UVRAG: variants seen among roughly 807,000 people sequenced by gnomAD.
The protein encoded by UVRAG is UV radiation resistance-associated gene protein.
Under a neutral mutation model 78.0 loss-of-function variants are expected in UVRAG, and 19 were observed. The observed-to-expected ratio is 0.24, with a 90% CI of 0.17 to 0.36. The LOEUF is 0.36. Ranked by LOEUF, UVRAG falls within the 10% of genes least tolerant of loss-of-function variation. The pLI is 1.00. For synonymous variants in UVRAG, 323 were observed against 324.6 expected (o/e 1.00, Z 0.05); for missense variants, 740 against 853.8 (o/e 0.87, Z 1.66).
intron 6 of UVRAG, among the ~76,000 whole-genome samples, chr11:75,948,817 G>A (rs1948629808): frequency 6.6e-6 from 1 of 152,118 alleles, no homozygotes; most frequent in Admixed American, 6.5e-5. Flanking sequence ...CATCAGAGAA[G>A]AAGAAAGATA....
intron 14 of UVRAG, among the ~76,000 whole-genome samples, chr11:76,129,420 A>C (rs1952473252): frequency 6.6e-6 from 1 of 152,102 alleles, no homozygotes. Context: ...GAAAAGCTGG[A>C]GCTCCTAAAG....
intron 3 of UVRAG, chr11:75,878,372 C>G (rs2134870179): frequency 6.0e-6 from 1 of 166,960 alleles, no homozygotes; most frequent in Middle Eastern, 2.6e-3. Flanking sequence ...TCCTCACTTT[C>G]CAGACTGGGC....
At position 75,844,652 on chromosome 11, in the gene UVRAG, TA is replaced by T. The variant is rs547557071; in HGVS notation, c.118-7228del. On this transcript the variant is annotated intron_variant, in intron 1 of 14. Transcript: ENST00000356136. Reference sequence around the variant, plus strand: ...GATACTAATATTTTTATTTTTTTACTAAAGCAGATGTTTCTCTTTTCTTTTC... The same window carrying T: ...GATACTAATATTTTTATTTTTTTACTAAGCAGATGTTTCTCTTTTCTTTTC... Among the ~76,000 whole-genome samples, 361 of 151,492 alleles carry T rather than the reference TA, an allele frequency of 2.4e-3. 2 individuals carry two copies. Among genetic ancestry groups the T allele is most frequent in the Admixed American group, 3.6e-3 (55 of 15,118 alleles).
At chr11:75,993,729 A>G (rs528423306) in intron 8 of UVRAG, among the ~76,000 whole-genome samples, 1 of 152,340 alleles carries the variant, frequency 6.6e-6, no homozygotes, top group South Asian at 2.1e-4. Flanking sequence ...GCATCACTAT[A>G]ATGAAATACC....
intron 6 of UVRAG, among the ~76,000 whole-genome samples, chr11:75,954,163 C>T (rs2135179344): frequency 6.6e-6 from 1 of 152,236 alleles, no homozygotes; most frequent in East Asian, 1.9e-4. Flanking sequence ...CTTGATGCAG[C>T]AGGGGCTCTG....
chr11:75,942,129 G>C (rs1948496267), intron 6 of UVRAG: 1 of 152,266 alleles, frequency 6.6e-6, no homozygotes, highest in Admixed American at 6.6e-5. Context: ...TATCTGAATT[G>C]TTGAATAAGT....
intron 13 of UVRAG, among the ~76,000 whole-genome samples, chr11:76,082,409 G>A (rs201014324): frequency 6.6e-6 from 1 of 151,600 alleles, no homozygotes; most frequent in African/African-American, 2.4e-5. Context: ...GCGTGGTGTC[G>A]GGCGCCTGTA....
intron 5 of UVRAG, among the ~76,000 whole-genome samples, chr11:75,897,943 C>A (rs534839139): frequency 7.0e-6 from 1 of 142,776 alleles, no homozygotes; most frequent in Admixed American, 7.3e-5. Flanking sequence ...GATCTCGGCT[C>A]ACTGCAAGCT....
At chr11:76,097,124 G>A (rs576914736) in intron 13 of UVRAG, among the ~76,000 whole-genome samples, 24 of 152,190 alleles carry the variant, frequency 1.6e-4, no homozygotes, top group East Asian at 3.9e-4. Flanking sequence ...AGAACATTGC[G>A]TTTCCCTCCT....
chr11:76,067,157 T>C (rs1250580593), intron 13 of UVRAG, among the ~76,000 whole-genome samples: 9 of 152,194 alleles, frequency 5.9e-5, no homozygotes, highest in Admixed American at 2.6e-4. Flanking sequence ...GATTTCTGGA[T>C]TGCAATCCTC....
At chr11:76,017,536 A>G (rs1950171297) in intron 12 of UVRAG, among the ~76,000 whole-genome samples, 1 of 152,208 alleles carries the variant, frequency 6.6e-6, no homozygotes, top group Admixed American at 6.5e-5. Flanking sequence ...ACATGAAATT[A>G]CAAATTCAAG....
intron 14 of UVRAG, among the ~76,000 whole-genome samples, chr11:76,136,565 G>A (rs1316267401): frequency 1.3e-5 from 2 of 149,170 alleles, no homozygotes; most frequent in Non-Finnish European, 3.0e-5. Context: ...CTAAAGTGCA[G>A]TGGTATGATC....
At chr11:76,003,531 A>C (rs1219627937) in intron 8 of UVRAG, among the ~76,000 whole-genome samples, 2 of 151,974 alleles carry the variant, frequency 1.3e-5, no homozygotes, top group Admixed American at 6.6e-5. Flanking sequence ...TAAAATAATG[A>C]TATTTATGAG....
At chr11:76,091,083 A>C (rs1352664766) in intron 13 of UVRAG, among the ~76,000 whole-genome samples, 1 of 152,200 alleles carries the variant, frequency 6.6e-6, no homozygotes, top group Admixed American at 6.5e-5. Context: ...ATGGAGATAA[A>C]TTTTTGAGAC....
intron 3 of UVRAG, among the ~76,000 whole-genome samples, chr11:75,869,305 TA>T (rs1946598668): frequency 6.6e-6 from 1 of 152,226 alleles, no homozygotes; most frequent in South Asian, 2.1e-4. Context: ...ATCAGAACTA[TA>T]AAGTTCTGTT....
intron 13 of UVRAG, among the ~76,000 whole-genome samples, chr11:76,106,236 TA>T (rs1206041284): frequency 3.3e-5 from 5 of 152,186 alleles, no homozygotes; most frequent in African/African-American, 9.7e-5. Flanking sequence ...CACAACAGGC[TA>T]AATACTCTAT....
At chr11:75,840,604 C>G (rs1945888326) in intron 1 of UVRAG, among the ~76,000 whole-genome samples, 2 of 152,068 alleles carry the variant, frequency 1.3e-5, no homozygotes, top group African/African-American at 4.8e-5. Flanking sequence ...CTGATTTGAA[C>G]TTGGTGGGAG....
intron 13 of UVRAG, among the ~76,000 whole-genome samples, chr11:76,102,111 A>G (rs1048892883): frequency 3.3e-5 from 5 of 152,128 alleles, no homozygotes; most frequent in Non-Finnish European, 5.9e-5. Context: ...TTCTAGTTCT[A>G]TGAAGAATGT....
chr11:75,845,005 C>T (rs1268558459), intron 1 of UVRAG, among the ~76,000 whole-genome samples: 4 of 152,180 alleles, frequency 2.6e-5, no homozygotes, highest in South Asian at 2.1e-4. Flanking sequence ...TTAAGTCTTG[C>T]GTTAGAATTT....
Sources: gnomAD v4.1 joint callset for allele counts (sites outside exome capture counted in the v4.1 genomes callset) on GRCh38, gnomAD v4.1.1 for gene constraint, MANE v1.5 for transcripts, NCBI Gene and HGNC (gene_info 2026-07-23, HGNC 2026-07-21) for gene names.